CFI: variants seen among roughly 807,000 people sequenced by gnomAD.
The protein encoded by CFI is C3B/C4B inactivator.
A neutral mutation model predicts 78.8 loss-of-function variants in CFI; 66 were observed. The ratio of observed to expected loss-of-function variants is 0.84; its 90% CI spans 0.69 to 1.03. CFI has a LOEUF of 1.03. CFI is among the 50% of genes least tolerant of loss of function. The pLI is 0.00. For missense variants in CFI, 706 were observed against 704.5 expected, an observed-to-expected ratio of 1.00 and a Z score of -0.02; for synonymous variants, 250 against 232.6, an observed-to-expected ratio of 1.07 and a Z score of -0.68.
intron 1 of CFI, among the ~76,000 whole-genome samples, chr4:109,785,082 C>T (rs191872510): frequency 7.2e-5 from 11 of 152,170 alleles, no homozygotes; most frequent in Admixed American, 5.2e-4. Context: ...AGATCCACCC[C>T]CTGCCCACAA....
intron 7 of CFI, among the ~76,000 whole-genome samples, chr4:109,757,534 A>G (rs1726475771): frequency 6.6e-6 from 1 of 152,190 alleles, no homozygotes. Context: ...TGCAGGGAAG[A>G]GTCCACTCTG....
intron 2 of CFI, among the ~76,000 whole-genome samples, chr4:109,765,614 A>G (rs2126222568): frequency 6.6e-6 from 1 of 152,284 alleles, no homozygotes; most frequent in South Asian, 2.1e-4. Flanking sequence ...CCTAATCATA[A>G]CTACCCACTA....
At chr4:109,765,243 A>G (rs1727584302) in intron 2 of CFI, among the ~76,000 whole-genome samples, 2 of 152,170 alleles carry the variant, frequency 1.3e-5, no homozygotes, top group African/African-American at 4.8e-5. Flanking sequence ...GTATCTCAAC[A>G]TCTTAACTCA....
chr4:109,741,375 A>T (rs997298683), intron 12 of CFI: 11 of 985,242 alleles, frequency 1.1e-5, no homozygotes, highest in Non-Finnish European at 1.1e-5. Context: ...CTGAGATGAG[A>T]TTGCAACCTG....
chr4:109,743,391 C>T (rs1431317251), intron 11 of CFI, among the ~76,000 whole-genome samples: 1 of 152,198 alleles, frequency 6.6e-6, no homozygotes, highest in Non-Finnish European at 1.5e-5. Context: ...TTGTAAGCTT[C>T]TTGAGGCAGC....
At chr4:109,794,803 C>A (rs970104133) in intron 1 of CFI, among the ~76,000 whole-genome samples, 7 of 152,184 alleles carry the variant, frequency 4.6e-5, no homozygotes, top group African/African-American at 1.7e-4. Flanking sequence ...CAAAACAATT[C>A]TATTTATTTA....
chr4:109,768,201 G>A (rs112825562), intron 1 of CFI, among the ~76,000 whole-genome samples: 1,742 of 148,614 alleles, frequency 0.012, 26 homozygotes, highest in African/African-American at 0.042. Flanking sequence ...GTTACTGGGT[G>A]CAGCACACCA....
intron 12 of CFI, 86 bp from the exon 13 acceptor site, chr4:109,741,196 T>C (rs1230178877): frequency 2.5e-6 from 4 of 1,599,676 alleles, no homozygotes; most frequent in East Asian, 4.5e-5. Flanking sequence ...TTTAACAACT[T>C]TGGCTTTTTT....
intron 1 of CFI, among the ~76,000 whole-genome samples, chr4:109,768,523 C>T (rs528758835): frequency 6.6e-6 from 1 of 152,034 alleles, no homozygotes; most frequent in Non-Finnish European, 1.5e-5. Context: ...TTGACAGGTA[C>T]TAGGCATAAA....
At chr4:109,776,949 C>G (rs1354045458) in intron 1 of CFI, among the ~76,000 whole-genome samples, 2 of 152,204 alleles carry the variant, frequency 1.3e-5, no homozygotes, top group African/African-American at 4.8e-5. Flanking sequence ...ATCAGGCCTG[C>G]CTTACAAGAG....
intron 11 of CFI, 42 bp from the exon 12 acceptor site, chr4:109,742,637 A>T: frequency 8.2e-7 from 1 of 1,213,782 alleles, no homozygotes. Context: ...GTCACAAATG[A>T]GAAATCTAAA....
intron 12 of CFI, among the ~76,000 whole-genome samples, chr4:109,741,537 A>G (rs879912214): frequency 1.1e-4 from 17 of 152,206 alleles, no homozygotes; most frequent in Non-Finnish European, 2.1e-4. Flanking sequence ...TAAGACAACT[A>G]TGACACGGAG....
intron 7 of CFI, among the ~76,000 whole-genome samples, chr4:109,754,885 T>G (rs1725937632): frequency 6.6e-6 from 1 of 152,096 alleles, no homozygotes; most frequent in African/African-American, 2.4e-5. Context: ...TTTAATATAA[T>G]CAAAGCTGAG....
At chr4:109,766,932 G>A in intron 1 of CFI, 108 bp from the exon 2 acceptor site, 2 of 1,099,998 alleles carry the variant, frequency 1.8e-6, no homozygotes, top group Non-Finnish European at 1.4e-6. Flanking sequence ...CAGTACAGAT[G>A]AGGATGGTGT....
rs767092586 is a variant in CFI at position 109,764,704 on chromosome 4, A to G, written c.329-14T>C. 5.0e-6 allele frequency: 8 copies of G among 1,610,684 alleles called. No homozygotes were observed. The highest frequency in any genetic ancestry group is 5.9e-6 in the Non-Finnish European group (7 of 1,178,560). ...CACTAAACTTTCCTAAAATAAAAAA[A>G]CAAAATAATGTGCAATATGTAGCCA... On this transcript the variant is annotated splice_polypyrimidine_tract_variant and intron_variant, in intron 2 of 12. Coordinates refer to ENST00000394634, the MANE Select transcript of CFI (RefSeq NM_000204.5).
chr4:109,771,630 C>T (rs1036948350), intron 1 of CFI, among the ~76,000 whole-genome samples: 12 of 135,384 alleles, frequency 8.9e-5, no homozygotes, highest in Non-Finnish European at 7.6e-5. Flanking sequence ...AGGGGAATTG[C>T]TTGAACCAAG....
chr4:109,776,680 C>A lies in CFI; in HGVS notation c.58-9856G>T, dbSNP rs190427216. On this transcript the variant is annotated intron_variant, in intron 1 of 12. Transcript: ENST00000394634. ...CAAGACATATAATTGTCAGATTCAC[C>A]AAAGTTGAAATGAAGGAAAAAATAT... Among the ~76,000 whole-genome samples the A allele has an allele frequency of 2.4e-4, 37 of 152,246 alleles. No homozygotes were observed. The East Asian group carries it at 6.0e-3, about 25-fold the overall frequency.
chr4:109,785,460 A>G (rs917973780), intron 1 of CFI, among the ~76,000 whole-genome samples: 2 of 152,030 alleles, frequency 1.3e-5, no homozygotes, highest in African/African-American at 2.4e-5. Context: ...AAATACATTC[A>G]CATATATTAG....
At chr4:109,737,368 T>C (rs1723429321), downstream of CFI, among the ~76,000 whole-genome samples, 1 of 152,206 alleles carries the variant, frequency 6.6e-6, no homozygotes, top group Non-Finnish European at 1.5e-5. Context: ...TGGAAAGTTC[T>C]TCCATAATTC....
Sources: allele counts gnomAD v4.1 joint callset (sites outside exome capture counted in the v4.1 genomes callset), GRCh38; gene constraint gnomAD v4.1.1; transcripts MANE v1.5; gene names NCBI Gene and HGNC (gene_info 2026-07-23, HGNC 2026-07-21).